The following BBS9 variants were observed in gnomAD, a reference collection of about 807,000 sequenced individuals.
The protein encoded by BBS9 is protein PTHB1.
A neutral mutation model predicts 117.7 loss-of-function variants in BBS9; 89 were observed. The ratio of observed to expected loss-of-function variants is 0.76; its 90% CI spans 0.64 to 0.90. The LOEUF (loss-of-function observed/expected upper bound fraction) is 0.90, where lower values mean the gene tolerates loss of function less well. BBS9 is among the 40% of genes least tolerant of loss of function. The pLI is 0.00. For synonymous variants in BBS9, 379 were observed against 370.9 expected (o/e 1.02, Z -0.25); for missense variants, 982 against 1,042.2 (o/e 0.94, Z 0.80).
intron 19 of BBS9, among the ~76,000 whole-genome samples, chr7:33,492,608 T>C (rs893174926): frequency 6.6e-6 from 1 of 152,136 alleles, no homozygotes; most frequent in African/African-American, 2.4e-5. Context: ...TAAGGAGTAA[T>C]GTGCAGGACT....
chr7:33,602,611 A>G (rs1449122015), intron 21 of BBS9, among the ~76,000 whole-genome samples: 2 of 152,158 alleles, frequency 1.3e-5, no homozygotes, highest in African/African-American at 4.8e-5. Context: ...GCCTGTAATC[A>G]CAGCTACTCA....
At chr7:33,585,554 T>C (rs1860741294) in intron 21 of BBS9, among the ~76,000 whole-genome samples, 1 of 152,068 alleles carries the variant, frequency 6.6e-6, no homozygotes, top group African/African-American at 2.4e-5. Context: ...CTTAGTTTCA[T>C]CATTAGTGAA....
intron 5 of BBS9, among the ~76,000 whole-genome samples, chr7:33,196,948 T>C (rs1785050395): frequency 6.6e-6 from 1 of 152,194 alleles, no homozygotes; most frequent in East Asian, 1.9e-4. Flanking sequence ...GTCTGCAGAT[T>C]GGTTTTTTAC....
chr7:33,367,535 T>C (rs1334422304), intron 16 of BBS9, among the ~76,000 whole-genome samples: 1 of 152,184 alleles, frequency 6.6e-6, no homozygotes, highest in Non-Finnish European at 1.5e-5. Flanking sequence ...ATATGTGGAA[T>C]CAACCATTAG....
chr7:33,529,886 G>T (rs1850299815), intron 20 of BBS9, among the ~76,000 whole-genome samples: 1 of 152,164 alleles, frequency 6.6e-6, no homozygotes, highest in Non-Finnish European at 1.5e-5. Flanking sequence ...GGTTAGGTAT[G>T]TGCATGTAGT....
chr7:33,425,420 C>T (rs1404614113), intron 19 of BBS9, among the ~76,000 whole-genome samples: 1 of 152,122 alleles, frequency 6.6e-6, no homozygotes, highest in Non-Finnish European at 1.5e-5. Flanking sequence ...ACGTGTGCCA[C>T]GGTGGTTTGC....
chr7:33,255,146 A>T (rs1490653081), intron 5 of BBS9, among the ~76,000 whole-genome samples: 1 of 151,932 alleles, frequency 6.6e-6, no homozygotes, highest in Non-Finnish European at 1.5e-5. Flanking sequence ...GAAAATTTTT[A>T]GTTTGATGTA....
intron 21 of BBS9, among the ~76,000 whole-genome samples, chr7:33,567,857 A>G (rs998235164): frequency 2.0e-5 from 3 of 152,162 alleles, no homozygotes; most frequent in Non-Finnish European, 4.4e-5. Context: ...ACTGGCACCT[A>G]TAGGTGCTCA....
intron 1 of BBS9, among the ~76,000 whole-genome samples, 197 bp from the exon 2 acceptor site, chr7:33,146,045 T>G (rs1194207741): frequency 6.6e-6 from 1 of 152,222 alleles, no homozygotes; most frequent in African/African-American, 2.4e-5. Context: ...TCAGCCCAAT[T>G]TACTAACGGT....
intron 5 of BBS9, among the ~76,000 whole-genome samples, chr7:33,235,485 C>G (rs1793306223): frequency 6.6e-6 from 1 of 152,100 alleles, no homozygotes; most frequent in Non-Finnish European, 1.5e-5. Flanking sequence ...TTAAAAAAAG[C>G]TGTTGACTGC....
In BBS9 at chr7:33,249,254, C is replaced by T. The variant is rs570815295; in HGVS notation, c.443-7982C>T. On this transcript the variant is annotated intron_variant, in intron 5 of 22. Transcript: ENST00000242067. ...ACACACACACACACACACACACACG[C>T]GTACACTCCTACACTTCATGAATAG... Among the ~76,000 whole-genome samples the T allele has an allele frequency of 9.2e-5, 14 of 151,928 alleles. No individual in the cohort carries two copies. The East Asian group carries it at 1.2e-3, about 13-fold the overall frequency.
At chr7:33,427,907 G>A (rs1354255004) in intron 19 of BBS9, among the ~76,000 whole-genome samples, 1 of 151,994 alleles carries the variant, frequency 6.6e-6, no homozygotes, top group African/African-American at 2.4e-5. Flanking sequence ...CTTATTTTAT[G>A]CATGAGGAAA....
At chr7:33,423,395 G>GGTGTGT (rs142355079) in intron 19 of BBS9, among the ~76,000 whole-genome samples, 8 of 150,220 alleles carry the variant, frequency 5.3e-5, no homozygotes, top group African/African-American at 2.0e-4. Flanking sequence ...ATACCTTGGG[G>GGTGTGT]GTGTGTGTGT....
intron 5 of BBS9, chr7:33,177,940 C>G (rs978010210): frequency 2.4e-5 from 5 of 211,112 alleles, no homozygotes; most frequent in Admixed American, 5.3e-5. Context: ...CTAAAACTGC[C>G]TTTTCTACAG....
intron 5 of BBS9, among the ~76,000 whole-genome samples, chr7:33,242,308 G>A (rs1794663434): frequency 6.6e-6 from 1 of 151,972 alleles, no homozygotes; most frequent in Admixed American, 6.6e-5. Context: ...TACAGTAGAG[G>A]TAGAGCTCTT....
intron 5 of BBS9, among the ~76,000 whole-genome samples, chr7:33,222,641 T>G (rs943503570): frequency 1.3e-5 from 2 of 152,046 alleles, no homozygotes; most frequent in Non-Finnish European, 2.9e-5. Flanking sequence ...GATCTTGTCT[T>G]TGTCCTGCTT....
At chr7:33,360,014 T>A (rs1047131565) in intron 16 of BBS9, among the ~76,000 whole-genome samples, 1 of 152,140 alleles carries the variant, frequency 6.6e-6, no homozygotes, top group African/African-American at 2.4e-5. Context: ...CCAAAAAGAA[T>A]TTCACTTGTC....
chr7:33,582,129 A>G (rs1412895997), intron 21 of BBS9, among the ~76,000 whole-genome samples: 1 of 151,888 alleles, frequency 6.6e-6, no homozygotes, highest in Non-Finnish European at 1.5e-5. Context: ...TTGCTGTAAT[A>G]GATATTGACC....
chr7:33,140,961 G>C (rs547065803), intron 1 of BBS9, among the ~76,000 whole-genome samples: 1 of 151,844 alleles, frequency 6.6e-6, no homozygotes, highest in African/African-American at 2.4e-5. Flanking sequence ...TTTTCTCCTG[G>C]TATTTGTTTT....
Sources: allele counts gnomAD v4.1 joint callset (sites outside exome capture counted in the v4.1 genomes callset), GRCh38; gene constraint gnomAD v4.1.1; transcripts MANE v1.5; gene names NCBI Gene and HGNC (gene_info 2026-07-23, HGNC 2026-07-21).